Variants in ATF6 observed in about 807,000 individuals in gnomAD.
ATF6 encodes the protein activating transcription factor 6.
ATF6 carries 53 observed loss-of-function variants against 83.6 expected under a neutral mutation model. That is an observed-to-expected ratio of 0.63 (90% confidence interval 0.51 to 0.80). ATF6 has a LOEUF of 0.80. ATF6 is among the 30% of genes least tolerant of loss of function. The pLI is 0.00. For missense variants in ATF6, 744 were observed against 797.9 expected (o/e 0.93, Z 0.81); for synonymous variants, 288 against 285.8 (o/e 1.01, Z -0.08).
chr1:161,946,681 G>A (rs1203254516), intron 15 of ATF6, among the ~76,000 whole-genome samples: 1 of 152,148 alleles, frequency 6.6e-6, no homozygotes, highest in Non-Finnish European at 1.5e-5. Context: ...CAGTTAAATG[G>A]AACACTGGAA....
chr1:161,829,143 G>C (rs945244615), intron 9 of ATF6, among the ~76,000 whole-genome samples: 1 of 147,124 alleles, frequency 6.8e-6, no homozygotes, highest in Non-Finnish European at 1.5e-5. Flanking sequence ...CAAGTCCTTA[G>C]AGACCTACAA....
intron 6 of ATF6, among the ~76,000 whole-genome samples, chr1:161,793,130 A>G (rs1264925982): frequency 1.3e-5 from 2 of 152,206 alleles, no homozygotes; most frequent in Admixed American, 1.3e-4. Flanking sequence ...TTTGTACTGT[A>G]TCTCCAATTG....
intron 7 of ATF6, 123 bp downstream of exon 7, chr1:161,802,395 G>T: frequency 1.2e-6 from 1 of 822,426 alleles, no homozygotes; most frequent in Non-Finnish European, 1.9e-6. Context: ...TCAAATAAAA[G>T]AGTGTGCTGA....
intron 7 of ATF6, among the ~76,000 whole-genome samples, chr1:161,807,865 C>CTTTTTTTTTTTTTTTTTTTTTTTTTT (rs761462420): frequency 9.3e-5 from 3 of 32,342 alleles, no homozygotes; most frequent in African/African-American, 2.3e-4. Context: ...AGTTTGTCAT[C>CTTTTTTTTTTTTTTTTTTTTTTTTTT]TTTTTTTTTT....
chr1:161,812,617 C>T (rs1423464162), intron 7 of ATF6, among the ~76,000 whole-genome samples: 1 of 151,846 alleles, frequency 6.6e-6, no homozygotes, highest in Non-Finnish European at 1.5e-5. Flanking sequence ...TGGTCTCGAT[C>T]TCCTGACCTC....
chr1:161,875,802 T>A (rs1210921364), intron 14 of ATF6, among the ~76,000 whole-genome samples: 1 of 151,910 alleles, frequency 6.6e-6, no homozygotes, highest in African/African-American at 2.4e-5. Context: ...TGTACTTTGA[T>A]ATGCAGCAGA....
chr1:161,775,169 A>G (rs1471155407), intron 1 of ATF6, among the ~76,000 whole-genome samples: 4 of 152,228 alleles, frequency 2.6e-5, no homozygotes, highest in Non-Finnish European at 5.9e-5. Context: ...TAGTGTAAAT[A>G]CTATGCGATG....
At chr1:161,894,521 C>CTTTTTTTTTTTTTTTGTTTTTTT (rs1687630146) in intron 14 of ATF6, among the ~76,000 whole-genome samples, 1 of 44,850 alleles carries the variant, frequency 2.2e-5, no homozygotes, top group African/African-American at 6.6e-5. Context: ...GTTTTGTAGT[C>CTTTTTTTTTTTTTTTGTTTTTTT]TTTTTTTTTT....
intron 15 of ATF6, among the ~76,000 whole-genome samples, chr1:161,915,693 T>C (rs1350979046): frequency 2.6e-5 from 4 of 151,540 alleles, no homozygotes; most frequent in African/African-American, 9.7e-5. Flanking sequence ...GCGTGACCCA[T>C]GGCTCACTCC....
chr1:161,861,775 A>G (rs1358853115), intron 13 of ATF6, among the ~76,000 whole-genome samples: 1 of 152,192 alleles, frequency 6.6e-6, no homozygotes, highest in Non-Finnish European at 1.5e-5. Context: ...TCTCAGCTAT[A>G]TAAACAAGGT....
At chr1:161,819,112 G>T (rs1648387288) in intron 7 of ATF6, among the ~76,000 whole-genome samples, 1 of 152,094 alleles carries the variant, frequency 6.6e-6, no homozygotes, top group Non-Finnish European at 1.5e-5. Context: ...GATTGAGAAG[G>T]ACTGAATATA....
At chr1:161,956,792 G>A (rs756507176) in intron 15 of ATF6, among the ~76,000 whole-genome samples, 1 of 152,200 alleles carries the variant, frequency 6.6e-6, no homozygotes, top group Non-Finnish European at 1.5e-5. Context: ...GAGGAATTAT[G>A]TATTCTATTG....
At chr1:161,831,326 A>T (rs1241816575) in intron 9 of ATF6, among the ~76,000 whole-genome samples, 1 of 152,232 alleles carries the variant, frequency 6.6e-6, no homozygotes, top group African/African-American at 2.4e-5. Context: ...GAGAAATAGG[A>T]ACACTTTTAC....
chr1:161,957,984 G>T (rs1341982984), intron 15 of ATF6, among the ~76,000 whole-genome samples: 1 of 152,090 alleles, frequency 6.6e-6, no homozygotes, highest in Non-Finnish European at 1.5e-5. Context: ...ACTTGGCCAG[G>T]GTCTCCTTAC....
chr1:161,796,921 T>TG (rs201718366), intron 6 of ATF6, among the ~76,000 whole-genome samples: 1 of 148,068 alleles, frequency 6.8e-6, no homozygotes, highest in East Asian at 2.2e-4. Flanking sequence ...TCTTGTTTTT[T>TG]GGTTTTTTTT....
rs1294841906 is a variant in ATF6 at position 161,961,187 on chromosome 1, A to G, written c.*2533A>G. On this transcript the variant is annotated 3_prime_UTR_variant, in exon 16 of 16. Coordinates refer to ENST00000367942, the MANE Select transcript of ATF6 (RefSeq NM_007348.4). Reference sequence around the variant, plus strand: ...ACGTTAGTCCCTCTCTTCCAGGTGAAAAGGTGGGTAGCGGTTGGGAGGGAG... The same window carrying G: ...ACGTTAGTCCCTCTCTTCCAGGTGAGAAGGTGGGTAGCGGTTGGGAGGGAG... 1 of 152,262 alleles carries G rather than the reference A, an allele frequency of 6.6e-6. No individual in the cohort carries two copies. Among genetic ancestry groups the G allele is most frequent in the Admixed American group, 6.5e-5 (1 of 15,282 alleles). 9.4% of individuals were successfully genotyped at this position (152,262 alleles called of 1,614,324 possible).
chr1:161,846,726 T>G, intron 10 of ATF6, 146 bp downstream of exon 10: 1 of 776,516 alleles, frequency 1.3e-6, no homozygotes. Flanking sequence ...ATTAATACAT[T>G]TTACTTTTAA....
At chr1:161,843,136 C>T (rs555807605) in intron 9 of ATF6, among the ~76,000 whole-genome samples, 1 of 152,206 alleles carries the variant, frequency 6.6e-6, no homozygotes, top group Non-Finnish European at 1.5e-5. Flanking sequence ...GTTCCGCACA[C>T]TCATTCAGAC....
intron 14 of ATF6, among the ~76,000 whole-genome samples, chr1:161,906,075 C>T (rs190102239): frequency 6.6e-6 from 1 of 152,266 alleles, no homozygotes; most frequent in Non-Finnish European, 1.5e-5. Context: ...CCTCATGATC[C>T]ATCTGCCTCG....
Sources: allele counts gnomAD v4.1 joint callset (sites outside exome capture counted in the v4.1 genomes callset), GRCh38; gene constraint gnomAD v4.1.1; transcripts MANE v1.5; gene names NCBI Gene and HGNC (gene_info 2026-07-23, HGNC 2026-07-21).